ITPR1: variants seen among roughly 807,000 people sequenced by gnomAD.
ITPR1 encodes the protein inositol 1,4,5-trisphosphate-gated calcium channel ITPR1.
Under a neutral mutation model 318.4 loss-of-function variants are expected in ITPR1, and 96 were observed. That is an observed-to-expected ratio of 0.30 (90% CI 0.26 to 0.36). The LOEUF (loss-of-function observed/expected upper bound fraction) is 0.36. Ranked by LOEUF, ITPR1 falls within the 10% of genes least tolerant of loss-of-function variation. The pLI is 1.00. For missense variants in ITPR1, 2,440 were observed against 3,460.2 expected, an observed-to-expected ratio of 0.71 and a Z score of 7.40; for synonymous variants, 1,312 against 1,289.9, an observed-to-expected ratio of 1.02 and a Z score of -0.37.
At chr3:4,658,303 C>G in intron 13 of ITPR1, 25 bp downstream of exon 13, 3 of 1,590,766 alleles carry the variant, frequency 1.9e-6, no homozygotes, top group Middle Eastern at 1.8e-4. Flanking sequence ...TTGCTTTTCC[C>G]CAAAGAATCA....
intron 17 of ITPR1, among the ~76,000 whole-genome samples, chr3:4,667,123 T>A (rs1267612646): frequency 6.6e-6 from 1 of 152,232 alleles, no homozygotes; most frequent in South Asian, 2.1e-4. Context: ...GTGCACTTAA[T>A]AAAATATCCA....
intron 42 of ITPR1, among the ~76,000 whole-genome samples, chr3:4,729,401 G>A (rs2042744760): frequency 6.6e-6 from 1 of 152,192 alleles, no homozygotes; most frequent in African/African-American, 2.4e-5. Flanking sequence ...ACAACAAGAG[G>A]AGAAGGAAGG....
chr3:4,604,910 G>T (rs1206419357), intron 4 of ITPR1, among the ~76,000 whole-genome samples: 1 of 152,098 alleles, frequency 6.6e-6, no homozygotes, highest in African/African-American at 2.4e-5. Flanking sequence ...CCTGCATGGA[G>T]TGTTCCAGCT....
In ITPR1 at chr3:4,675,222, G is replaced by A. The variant is rs775249713; in HGVS notation, c.2753G>A (p.Gly918Asp). 1 of 1,611,636 alleles carries A rather than the reference G, an allele frequency of 6.2e-7. No homozygotes were observed. Among genetic ancestry groups the A allele is most frequent in the South Asian group, 1.1e-5 (1 of 90,334 alleles). Residue 918 changes from glycine (G) to aspartate (D), a missense_variant, in exon 23 of 62, where the codon GGT becomes GAT. Gly to Asp is a moderately conservative substitution (Grantham distance 94). This residue lies in a region of ITPR1 where 478 missense variants were observed against 696.3 expected (regional missense o/e 0.69). Coordinates refer to ENST00000649015, the MANE Select transcript of ITPR1 (RefSeq NM_001378452.1). ...ATGGCGAAAGGAGAAGAGAATAAAG[G>A]TAACAATGATGTGGAGAAGCTGAAG... ...SKMAKGEENKGNNDVEKLKSS... is the reference protein window; with the variant it reads ...SKMAKGEENKDNNDVEKLKSS...
intron 44 of ITPR1, among the ~76,000 whole-genome samples, chr3:4,745,610 C>T (rs765005132): frequency 8.5e-5 from 13 of 152,190 alleles, no homozygotes; most frequent in Non-Finnish European, 1.5e-4. Context: ...CCATCTCCAG[C>T]CTGTTTGCCT....
rs540101837 is a variant in ITPR1, at chr3:4,826,500, C to T, written c.8028+8258C>T. Among the ~76,000 whole-genome samples the T allele has an allele frequency of 4.9e-4, 75 of 152,258 alleles. No individual in the cohort carries two copies. The highest frequency in any genetic ancestry group is 1.6e-3 in the African/African-American group (66 of 41,556). ...GAAGAGGGATTTGGCACTGGCTTCC[C>T]GGTGGCTGGAAACAGTGTGTCAGCG... is the stretch of plus-strand genomic sequence containing the variant. On this transcript the variant is annotated intron_variant, in intron 60 of 61. Transcript: ENST00000649015. This position sits in a 1 kb window ranked among gnomAD's most constrained non-coding sequence, Gnocchi z 4.2.
At chr3:4,793,950 C>G (rs1261029648) in intron 52 of ITPR1, among the ~76,000 whole-genome samples, 2 of 152,176 alleles carry the variant, frequency 1.3e-5, no homozygotes, top group African/African-American at 4.8e-5. Context: ...AAAGGCTTGG[C>G]TGCTGCTACA....
intron 60 of ITPR1, among the ~76,000 whole-genome samples, chr3:4,828,868 CTTGATTTATGCCG>C: frequency 6.6e-6 from 1 of 152,216 alleles, no homozygotes; most frequent in South Asian, 2.1e-4. Context: ...AGACTGACAC[CTTGATTTATGCCG>C]TTTGGATACC....
At chr3:4,616,123 A>G (rs528905388) in intron 4 of ITPR1, among the ~76,000 whole-genome samples, 1 of 152,178 alleles carries the variant, frequency 6.6e-6, no homozygotes, top group Non-Finnish European at 1.5e-5. Flanking sequence ...TTCCTCTTGT[A>G]CTGAACTGGA....
intron 5 of ITPR1, among the ~76,000 whole-genome samples, chr3:4,629,494 C>T (rs942682828): frequency 1.1e-4 from 16 of 152,170 alleles, no homozygotes; most frequent in South Asian, 2.1e-4. Context: ...TATCACCTGT[C>T]GCTTATTAGA....
intron 2 of ITPR1, among the ~76,000 whole-genome samples, chr3:4,497,119 A>G (rs1237955807): frequency 6.6e-6 from 1 of 152,106 alleles, no homozygotes; most frequent in Admixed American, 6.6e-5. Context: ...GATGAATGCA[A>G]TTAAGGCTTG....
chr3:4,661,323 T>A lies in ITPR1; in HGVS notation c.1251+236T>A, dbSNP rs141267888. ...TTTTATTCCATGGCTTCTGCCATAA[T>A]GGTTGAGCAATTTTCTGGATTTCAA... On this transcript the variant is annotated intron_variant, in intron 14 of 61. Transcript: ENST00000649015. Among the ~76,000 whole-genome samples, 681 of 152,340 alleles carry A rather than the reference T, an allele frequency of 4.5e-3. 3 individuals are homozygous for A. Among genetic ancestry groups the A allele is most frequent in the Non-Finnish European group, 8.5e-3 (581 of 68,016 alleles).
chr3:4,596,305 C>G (rs915100416), intron 4 of ITPR1: 3 of 152,104 alleles, frequency 2.0e-5, no homozygotes, highest in Non-Finnish European at 4.4e-5. Flanking sequence ...AAGATAAACT[C>G]TTTCCATGAG....
chr3:4,813,789 G>C (rs895118508), intron 57 of ITPR1, among the ~76,000 whole-genome samples: 8 of 152,166 alleles, frequency 5.3e-5, no homozygotes, highest in African/African-American at 1.9e-4. Flanking sequence ...GATCATGAAG[G>C]ATCTTCTATG....
chr3:4,756,677 C>T (rs193259366), intron 44 of ITPR1, among the ~76,000 whole-genome samples: 12 of 152,050 alleles, frequency 7.9e-5, no homozygotes, highest in Admixed American at 7.9e-4. Flanking sequence ...TTTTTCATGC[C>T]GTCCAAACTT....
intron 4 of ITPR1, among the ~76,000 whole-genome samples, chr3:4,615,718 C>G (rs1452796015): frequency 6.6e-6 from 1 of 152,070 alleles, no homozygotes; most frequent in Non-Finnish European, 1.5e-5. Context: ...TTAAGCTGAT[C>G]CACATACAGT....
intron 19 of ITPR1, among the ~76,000 whole-genome samples, 192 bp downstream of exon 19, chr3:4,669,965 T>C (rs1352381671): frequency 1.3e-5 from 2 of 152,232 alleles, no homozygotes; most frequent in African/African-American, 2.4e-5. Flanking sequence ...CTCCTCTTCA[T>C]AGTGGTGTCA....
At chr3:4,700,021 A>G in intron 35 of ITPR1, 80 bp downstream of exon 35, 1 of 1,307,870 alleles carries the variant, frequency 7.6e-7, no homozygotes, top group East Asian at 2.3e-5. Context: ...GGGAGTAAGC[A>G]ATTGTAAATG....
chr3:4,815,340 G>A, intron 59 of ITPR1, 122 bp downstream of exon 59: 2 of 845,214 alleles, frequency 2.4e-6, no homozygotes, highest in Non-Finnish European at 3.7e-6. Context: ...GGCACCGGCT[G>A]CTGCTTCGTC....
Sources: allele counts gnomAD v4.1 joint callset (sites outside exome capture counted in the v4.1 genomes callset), GRCh38; gene constraint gnomAD v4.1.1; regional missense constraint gnomAD v4.1.1; non-coding constraint Gnocchi (gnomAD v3.1); transcripts MANE v1.5; gene names NCBI Gene and HGNC (gene_info 2026-07-23, HGNC 2026-07-21).